Variants in CEP112 observed in about 807,000 individuals in gnomAD.
CEP112 encodes centrosomal protein 112.
In CEP112, 127 loss-of-function variants were observed where a neutral mutation model predicts 153.0. The ratio of observed to expected loss-of-function variants is 0.83; its 90% CI spans 0.72 to 0.96. The LOEUF is 0.96. Among genes scored for constraint, CEP112 ranks in the 40% least tolerant of loss-of-function variants. The pLI is 0.00. For missense variants in CEP112, 1,089 were observed against 1,101.2 expected, an observed-to-expected ratio of 0.99 and a Z score of 0.16; for synonymous variants, 358 against 374.4, an observed-to-expected ratio of 0.96 and a Z score of 0.51.
chr17:65,828,100 C>A (rs190292477), intron 21 of CEP112, among the ~76,000 whole-genome samples: 2 of 152,294 alleles, frequency 1.3e-5, no homozygotes, highest in Admixed American at 1.3e-4. Context: ...GGAATATATG[C>A]CATTTTGCTC....
intron 19 of CEP112, among the ~76,000 whole-genome samples, chr17:65,915,792 A>T (rs2060457227): frequency 6.6e-6 from 1 of 151,064 alleles, no homozygotes; most frequent in South Asian, 2.1e-4. Flanking sequence ...AAACTCAAAA[A>T]AAAAAAAAAA....
intron 19 of CEP112, among the ~76,000 whole-genome samples, chr17:65,912,068 G>A (rs1041652413): frequency 2.0e-5 from 3 of 152,088 alleles, no homozygotes; most frequent in Admixed American, 6.5e-5. Context: ...AACTCAGATC[G>A]GGAAACTTGG....
rs192821002 is a variant in CEP112 at position 66,164,979 on chromosome 17, T to C, written c.470+10065A>G. ...GTAGGAGCTCCTCTGACAGCAGAAA[T>C]TGACCAAGAGCAACTAGATGTTGAT... On this transcript the variant is annotated intron_variant, in intron 4 of 26. Coordinates refer to ENST00000535342, the MANE Select transcript of CEP112 (RefSeq NM_001199165.4). 2.5e-3 allele frequency among the ~76,000 whole-genome samples: 376 copies of C among 149,504 alleles called. 1 individual carries two copies. Among genetic ancestry groups the C allele is most frequent in the African/African-American group, 9.0e-3 (364 of 40,542 alleles).
At chr17:65,712,185 A>G (rs950558731) in intron 23 of CEP112, among the ~76,000 whole-genome samples, 2 of 152,154 alleles carry the variant, frequency 1.3e-5, no homozygotes, top group African/African-American at 4.8e-5. Context: ...TTTAATGGAT[A>G]GGTACTTGAA....
At chr17:65,809,853 G>T (rs548547517) in intron 21 of CEP112, among the ~76,000 whole-genome samples, 14 of 127,388 alleles carry the variant, frequency 1.1e-4, no homozygotes, top group Admixed American at 1.6e-4. Context: ...TAAAGGAAGT[G>T]GGGGGGGGAA....
At chr17:65,986,492 T>C (rs1383356259) in intron 17 of CEP112, among the ~76,000 whole-genome samples, 2 of 152,190 alleles carry the variant, frequency 1.3e-5, no homozygotes, top group African/African-American at 2.4e-5. Context: ...TAACATCTAC[T>C]AGTGTTTCAC....
chr17:65,759,461 T>A (rs906890972), intron 21 of CEP112, among the ~76,000 whole-genome samples: 1 of 152,162 alleles, frequency 6.6e-6, no homozygotes, highest in East Asian at 1.9e-4. Context: ...CGCACCATCC[T>A]ACCAGCAAAA....
At chr17:65,947,350 G>T (rs58835646) in intron 18 of CEP112, among the ~76,000 whole-genome samples, 2 of 151,946 alleles carry the variant, frequency 1.3e-5, no homozygotes, top group South Asian at 4.1e-4. Context: ...GTAGAGAGCA[G>T]GTATTCATAA....
chr17:66,118,123 A>G (rs1053455303), intron 6 of CEP112, among the ~76,000 whole-genome samples: 5 of 152,194 alleles, frequency 3.3e-5, no homozygotes, highest in African/African-American at 1.2e-4. Flanking sequence ...AAAATTAAAA[A>G]TAGAACTACC....
intron 1 of CEP112, among the ~76,000 whole-genome samples, chr17:66,183,650 TAG>T (rs1352365378): frequency 6.6e-6 from 1 of 151,996 alleles, no homozygotes; most frequent in East Asian, 1.9e-4. Context: ...TGGAAAAGAT[TAG>T]AGAGTCCAGA....
At chr17:66,135,629 T>C (rs1598418692) in intron 4 of CEP112, among the ~76,000 whole-genome samples, 2 of 152,232 alleles carry the variant, frequency 1.3e-5, no homozygotes, top group East Asian at 3.9e-4. Flanking sequence ...AAGAAAAAAT[T>C]CAGTACATTT....
chr17:66,064,030 C>T (rs2067022786), intron 10 of CEP112, among the ~76,000 whole-genome samples: 2 of 152,156 alleles, frequency 1.3e-5, no homozygotes, highest in African/African-American at 4.8e-5. Context: ...TCATGATTCA[C>T]TCAACCAGAT....
intron 23 of CEP112, among the ~76,000 whole-genome samples, chr17:65,690,478 G>C (rs995711397): frequency 1.1e-4 from 17 of 150,086 alleles, no homozygotes; most frequent in Non-Finnish European, 8.9e-5. Flanking sequence ...AGATTATAAT[G>C]GGGTGGAGGT....
At chr17:66,114,475 T>C (rs916691524) in intron 6 of CEP112, among the ~76,000 whole-genome samples, 7 of 152,172 alleles carry the variant, frequency 4.6e-5, no homozygotes, top group African/African-American at 1.7e-4. Context: ...AGAAGGACAT[T>C]GTCAAGCAAT....
intron 23 of CEP112, among the ~76,000 whole-genome samples, chr17:65,704,521 A>G (rs966839372): frequency 1.3e-5 from 2 of 152,048 alleles, no homozygotes. Flanking sequence ...CAACAGTCCA[A>G]TCATTATGAG....
At chr17:65,873,784 C>T (rs1201698904) in intron 20 of CEP112, 1 of 152,184 alleles carries the variant, frequency 6.6e-6, no homozygotes, top group Non-Finnish European at 1.5e-5. Context: ...AAATCAGAAA[C>T]TACATATTAC....
chr17:65,978,087 T>A (rs2063101779), intron 17 of CEP112, among the ~76,000 whole-genome samples: 1 of 151,372 alleles, frequency 6.6e-6, no homozygotes, highest in African/African-American at 2.4e-5. Flanking sequence ...AAAAAATTTT[T>A]TTAAATAAAA....
chr17:66,063,479 G>A (rs2066999835), intron 10 of CEP112, among the ~76,000 whole-genome samples: 1 of 152,126 alleles, frequency 6.6e-6, no homozygotes, highest in Non-Finnish European at 1.5e-5. Flanking sequence ...TGGTATAATG[G>A]ACTTTGGAGA....
intron 17 of CEP112, among the ~76,000 whole-genome samples, chr17:65,993,764 TTTTA>T (rs1598040479): frequency 6.6e-6 from 1 of 152,166 alleles, no homozygotes. Flanking sequence ...TTCTGTATGA[TTTTA>T]TTTATGTGCA....
Sources: allele counts gnomAD v4.1 joint callset (sites outside exome capture counted in the v4.1 genomes callset), GRCh38; gene constraint gnomAD v4.1.1; transcripts MANE v1.5; gene names NCBI Gene and HGNC (gene_info 2026-07-23, HGNC 2026-07-21).